Variants in RBFOX1 observed in about 807,000 individuals in gnomAD.
RBFOX1 encodes RNA binding fox-1 homolog 1, also known as RNA binding protein fox-1 homolog 1.
RBFOX1 carries 8 observed loss-of-function variants against 57.7 expected under a neutral mutation model. The observed-to-expected ratio is 0.14, with a 90% confidence interval of 0.08 to 0.25. RBFOX1 has a LOEUF of 0.25. RBFOX1 is among the 10% of genes least tolerant of loss of function. The pLI is 1.00. For missense variants in RBFOX1, 611 were observed against 548.5 expected (o/e 1.11, Z -1.14); for synonymous variants, 326 against 222.4 (o/e 1.47, Z -4.15).
chr16:6,254,787 T>G (rs1364334307), intron 1 of RBFOX1, among the ~76,000 whole-genome samples: 2 of 152,182 alleles, frequency 1.3e-5, no homozygotes, highest in Non-Finnish European at 2.9e-5. Flanking sequence ...AAAATATACA[T>G]GTGAAAGGAA....
At chr16:6,339,763 C>G (rs1047609094) in intron 2 of RBFOX1, among the ~76,000 whole-genome samples, 2 of 151,934 alleles carry the variant, frequency 1.3e-5, no homozygotes, top group African/African-American at 4.8e-5. Flanking sequence ...CTCTGCCTCC[C>G]AGGTTCAAGC....
At chr16:6,219,208 C>T (rs1235524360) in intron 1 of RBFOX1, among the ~76,000 whole-genome samples, 9 of 152,212 alleles carry the variant, frequency 5.9e-5, no homozygotes, top group Non-Finnish European at 1.3e-4. Flanking sequence ...GTGGCTCACA[C>T]CTGTAATCCC....
At chr16:6,921,025 G>C (rs192842465) in intron 3 of RBFOX1, among the ~76,000 whole-genome samples, 2 of 152,168 alleles carry the variant, frequency 1.3e-5, no homozygotes, top group Non-Finnish European at 2.9e-5. Flanking sequence ...AGTATCTCAA[G>C]TGGTTGTGGT....
At chr16:6,611,681 C>G (rs1177640669) in intron 2 of RBFOX1, among the ~76,000 whole-genome samples, 1 of 152,140 alleles carries the variant, frequency 6.6e-6, no homozygotes, top group Non-Finnish European at 1.5e-5. Flanking sequence ...AAGGATGATT[C>G]CGGCTTACCT....
intron 4 of RBFOX1, among the ~76,000 whole-genome samples, chr16:7,133,168 A>G (rs2070988328): frequency 6.6e-6 from 1 of 152,212 alleles, no homozygotes; most frequent in African/African-American, 2.4e-5. Flanking sequence ...AGGTTTTAGT[A>G]TCAGATTCTC....
intron 2 of RBFOX1, among the ~76,000 whole-genome samples, chr16:6,444,908 T>A (rs2094454854): frequency 6.6e-6 from 1 of 152,136 alleles, no homozygotes; most frequent in South Asian, 2.1e-4. Flanking sequence ...CGGCCAGGTT[T>A]TCGTTTTCTA....
chr16:7,680,361 G>A (rs920102176), intron 14 of RBFOX1, among the ~76,000 whole-genome samples: 1 of 152,168 alleles, frequency 6.6e-6, no homozygotes, highest in African/African-American at 2.4e-5. Flanking sequence ...TGATGAAAGT[G>A]TTATCTCCCC....
intron 3 of RBFOX1, among the ~76,000 whole-genome samples, chr16:6,785,192 A>G (rs117835075): frequency 0.021 from 3,188 of 152,274 alleles, 44 homozygotes; most frequent in Middle Eastern, 0.075. Context: ...GCTCTGGAGA[A>G]AAAAAATGAC....
chr16:6,003,466 C>T (rs1279689363), intron 4 of RBFOX1, among the ~76,000 whole-genome samples: 1 of 152,040 alleles, frequency 6.6e-6, no homozygotes, highest in Non-Finnish European at 1.5e-5. Flanking sequence ...CGCCACCGCC[C>T]ACCACCACCC....
chr16:7,688,941 C>T (rs571408932), intron 14 of RBFOX1, among the ~76,000 whole-genome samples: 93 of 152,134 alleles, frequency 6.1e-4, no homozygotes, highest in Non-Finnish European at 1.1e-3. Flanking sequence ...ATACCCCCTA[C>T]GTGAATGTTC....
intron 4 of RBFOX1, among the ~76,000 whole-genome samples, chr16:7,212,392 C>G (rs1567727309): frequency 2.6e-5 from 4 of 152,208 alleles, no homozygotes; most frequent in South Asian, 2.1e-4. Flanking sequence ...CTGAGGAACA[C>G]TTGTGTTATT....
intron 3 of RBFOX1, among the ~76,000 whole-genome samples, chr16:6,671,359 A>G (rs950115382): frequency 4.6e-5 from 7 of 152,204 alleles, no homozygotes; most frequent in African/African-American, 1.7e-4. Flanking sequence ...GTTTAATAAA[A>G]ACACATCTTA....
rs140080416 is a variant in RBFOX1 at position 5,662,032 on chromosome 16, C to T, written c.318+63071C>T. Among the ~76,000 whole-genome samples, 538 of 152,234 alleles carry T rather than the reference C, an allele frequency of 3.5e-3. 3 individuals carry two copies. The highest frequency in any genetic ancestry group is 0.011 in the African/African-American group (467 of 41,554). On this transcript the variant is annotated intron_variant, in intron 3 of 19. Coordinates refer to the RBFOX1 transcript ENST00000641259. ...CCATCTCCTGACGTCGTAATCCACT[C>T]ACCTCGGCCTCCCAAAGTGCTGGGA... is the stretch of plus-strand genomic sequence containing the variant.
At chr16:6,483,939 G>T in intron 2 of RBFOX1, 12 of 1,063,224 alleles carry the variant, frequency 1.1e-5, no homozygotes, top group Non-Finnish European at 1.3e-5. Context: ...CTCCAGCTCC[G>T]GGGACCTCGG....
chr16:7,456,748 G>A (rs2058588856), intron 4 of RBFOX1, among the ~76,000 whole-genome samples: 1 of 152,136 alleles, frequency 6.6e-6, no homozygotes, highest in Non-Finnish European at 1.5e-5. Flanking sequence ...GCTGTGCTCT[G>A]TGCAAGCAGG....
chr16:5,390,888 G>T (rs2066390282), intron 1 of RBFOX1, among the ~76,000 whole-genome samples: 1 of 152,198 alleles, frequency 6.6e-6, no homozygotes, highest in South Asian at 2.1e-4. Context: ...GACCCACCCA[G>T]AGGAAGCAGA....
chr16:7,112,592 T>C (rs1276132737), intron 4 of RBFOX1, among the ~76,000 whole-genome samples: 1 of 152,018 alleles, frequency 6.6e-6, no homozygotes. Context: ...CTCCACACTG[T>C]TTATGGAAAA....
At chr16:5,303,845 C>T (rs916286933) in intron 1 of RBFOX1, among the ~76,000 whole-genome samples, 1 of 151,860 alleles carries the variant, frequency 6.6e-6, no homozygotes, top group Non-Finnish European at 1.5e-5. Flanking sequence ...CCTTTTTTCC[C>T]CTGGAGCTAG....
intron 2 of RBFOX1, among the ~76,000 whole-genome samples, chr16:6,569,808 C>G (rs990349549): frequency 1.1e-4 from 16 of 152,128 alleles, no homozygotes; most frequent in African/African-American, 3.9e-4. Context: ...ACGGCTGTTT[C>G]GTTAAGTTCT....
Sources: allele counts gnomAD v4.1 joint callset (sites outside exome capture counted in the v4.1 genomes callset), GRCh38; gene constraint gnomAD v4.1.1; transcripts MANE v1.5; gene names NCBI Gene and HGNC (gene_info 2026-07-23, HGNC 2026-07-21).